The following ARHGAP28 variants were observed in gnomAD, a reference collection of about 807,000 sequenced individuals.
The protein encoded by ARHGAP28 is Rho GTPase activating protein 28.
ARHGAP28 carries 56 observed loss-of-function variants against 90.7 expected under a neutral mutation model. The observed-to-expected ratio is 0.62, with a 90% CI of 0.50 to 0.77. ARHGAP28 has a LOEUF of 0.77. Among genes scored for constraint, ARHGAP28 ranks in the 30% least tolerant of loss-of-function variants. The probability of loss-of-function intolerance (pLI) is 0.00; values close to 1 mark genes in which losing one functional copy is unlikely to be tolerated. For missense variants in ARHGAP28, 869 were observed against 900.9 expected (o/e 0.96, Z 0.45); for synonymous variants, 308 against 323.3 (o/e 0.95, Z 0.51).
chr18:6,760,697 A>C (rs1327533391), intron 1 of ARHGAP28, among the ~76,000 whole-genome samples: 6 of 152,194 alleles, frequency 3.9e-5, no homozygotes, highest in Admixed American at 3.9e-4. Flanking sequence ...AGCTTATCTC[A>C]ATTTAGCTAT....
chr18:6,763,127 G>T (rs1425425732), intron 1 of ARHGAP28, among the ~76,000 whole-genome samples: 7 of 152,090 alleles, frequency 4.6e-5, no homozygotes, highest in African/African-American at 1.7e-4. Flanking sequence ...GTCTTGCACT[G>T]TCTCCCAGGC....
intron 1 of ARHGAP28, among the ~76,000 whole-genome samples, chr18:6,816,369 G>A (rs1335632430): frequency 6.6e-6 from 1 of 152,178 alleles, no homozygotes; most frequent in Non-Finnish European, 1.5e-5. Flanking sequence ...TGCTCTATCT[G>A]AACGGCCTTC....
At chr18:6,757,844 T>C (rs1425197283) in intron 1 of ARHGAP28, among the ~76,000 whole-genome samples, 1 of 152,076 alleles carries the variant, frequency 6.6e-6, no homozygotes, top group African/African-American at 2.4e-5. Flanking sequence ...ACAGAGTTAG[T>C]TGTTCAAGGC....
At chr18:6,869,448 A>G (rs541788952) in intron 6 of ARHGAP28, among the ~76,000 whole-genome samples, 1 of 151,456 alleles carries the variant, frequency 6.6e-6, no homozygotes, top group East Asian at 1.9e-4. Context: ...TTTAGTAGAG[A>G]CGGCGTTTCT....
At chr18:6,825,012 C>T (rs772024419) in intron 2 of ARHGAP28, 48 bp downstream of exon 2, 2 of 1,461,698 alleles carry the variant, frequency 1.4e-6, no homozygotes, top group South Asian at 2.7e-5. Flanking sequence ...CTTTCTTTCT[C>T]TGCCCTCTGT....
At chr18:6,867,092 C>T (rs2057043393) in intron 5 of ARHGAP28, among the ~76,000 whole-genome samples, 1 of 152,134 alleles carries the variant, frequency 6.6e-6, no homozygotes, top group Admixed American at 6.5e-5. Context: ...CATTCTTCCA[C>T]CAATTACAGT....
In ARHGAP28 at chr18:6,758,657, C is replaced by T. The variant is rs73380762; in HGVS notation, c.122+28714C>T. 1.4e-3 allele frequency among the ~76,000 whole-genome samples: 220 copies of T among 152,306 alleles called. 1 individual carries two copies. The highest frequency in any genetic ancestry group is 5.1e-3 in the African/African-American group (211 of 41,568). On this transcript the variant is annotated intron_variant, in intron 1 of 17. Coordinates refer to ENST00000383472, the MANE Select transcript of ARHGAP28 (RefSeq NM_001366230.1). ...GTCTTTTAACATTGCACCAGAAAAC[C>T]AGAAGGGAAAGGGTGAGAAATACAA...
intron 1 of ARHGAP28, among the ~76,000 whole-genome samples, chr18:6,809,693 A>G (rs531418309): frequency 1.7e-4 from 26 of 152,248 alleles, no homozygotes; most frequent in African/African-American, 6.3e-4. Flanking sequence ...AGACTAAACT[A>G]TTAGGGGTGC....
chr18:6,857,640 C>G (rs558590076), intron 4 of ARHGAP28, among the ~76,000 whole-genome samples: 4 of 152,168 alleles, frequency 2.6e-5, no homozygotes, highest in Non-Finnish European at 5.9e-5. Flanking sequence ...GCCCCTCCCC[C>G]AGTCCCGTCT....
chr18:6,890,359 C>A, intron 13 of ARHGAP28, 71 bp from the exon 14 acceptor site: 1 of 1,009,340 alleles, frequency 9.9e-7, no homozygotes, highest in Non-Finnish European at 1.5e-6. Context: ...GTTGCCATGC[C>A]TGAAGACAAT....
chr18:6,908,618 A>G (rs572568593), intron 16 of ARHGAP28, among the ~76,000 whole-genome samples: 1 of 152,344 alleles, frequency 6.6e-6, no homozygotes, highest in South Asian at 2.1e-4. Flanking sequence ...ATGACAAGGC[A>G]GTACTAAACA....
chr18:6,730,092 T>C (rs1384156489), intron 1 of ARHGAP28, 149 bp downstream of exon 1: 7 of 826,228 alleles, frequency 8.5e-6, no homozygotes, highest in Non-Finnish European at 6.6e-6. Flanking sequence ...CCTGGGGTTC[T>C]TTGCATTGTC....
At chr18:6,854,053 A>G (rs2056932281) in intron 4 of ARHGAP28, among the ~76,000 whole-genome samples, 1 of 151,762 alleles carries the variant, frequency 6.6e-6, no homozygotes, top group Non-Finnish European at 1.5e-5. Context: ...GCAACTAAAA[A>G]ACAGCTCACC....
chr18:6,747,984 C>T (rs2056038104), intron 1 of ARHGAP28, among the ~76,000 whole-genome samples: 1 of 152,148 alleles, frequency 6.6e-6, no homozygotes, highest in Non-Finnish European at 1.5e-5. Flanking sequence ...TTGCCTTAGG[C>T]ATTTTAGTAA....
intron 4 of ARHGAP28, among the ~76,000 whole-genome samples, chr18:6,858,392 C>T (rs1293276067): frequency 6.6e-6 from 1 of 152,130 alleles, no homozygotes; most frequent in Non-Finnish European, 1.5e-5. Flanking sequence ...TTTACACCTA[C>T]AAATTTCTCA....
In ARHGAP28 at chr18:6,827,311, G is replaced by A. The variant is rs571803487; in HGVS notation, c.325+2347G>A. ...TCCCGGACGGGGCGGCTGGCCGGGC[G>A]GGGGGCTGAACCCTCCACCTCCCTC... On this transcript the variant is annotated intron_variant, in intron 2 of 17. Transcript: ENST00000383472. Among the ~76,000 whole-genome samples, 633 of 149,680 alleles carry A rather than the reference G, an allele frequency of 4.2e-3. 7 individuals carry two copies. The highest frequency in any genetic ancestry group is 0.015 in the African/African-American group (616 of 40,790).
chr18:6,862,139 G>C (rs1272692468), intron 5 of ARHGAP28, among the ~76,000 whole-genome samples: 3 of 152,154 alleles, frequency 2.0e-5, no homozygotes, highest in Admixed American at 6.5e-5. Flanking sequence ...GTGGCTCACT[G>C]ATGCCAAGTT....
intron 11 of ARHGAP28, among the ~76,000 whole-genome samples, chr18:6,883,085 A>G (rs1445134397): frequency 3.3e-5 from 5 of 152,144 alleles, no homozygotes; most frequent in Non-Finnish European, 5.9e-5. Context: ...TTGATTCTAC[A>G]TGGACCAAAA....
chr18:6,801,602 T>C (rs1211007496), intron 1 of ARHGAP28, among the ~76,000 whole-genome samples: 1 of 152,104 alleles, frequency 6.6e-6, no homozygotes, highest in East Asian at 1.9e-4. Flanking sequence ...TTGGGGAGAA[T>C]TGACATCTTT....
Sources: gnomAD v4.1 joint callset for allele counts (sites outside exome capture counted in the v4.1 genomes callset) on GRCh38, gnomAD v4.1.1 for gene constraint, MANE v1.5 for transcripts, NCBI Gene and HGNC (gene_info 2026-07-23, HGNC 2026-07-21) for gene names.